Variants in STAU2 observed in about 807,000 individuals in gnomAD.
STAU2 encodes staufen double-stranded RNA binding protein 2, also known as double-stranded RNA-binding protein Staufen homolog 2.
Under a neutral mutation model 65.9 loss-of-function variants are expected in STAU2, and 20 were observed. The ratio of observed to expected loss-of-function variants is 0.30; its 90% CI spans 0.21 to 0.44. STAU2 has a LOEUF of 0.44. Ranked by LOEUF, STAU2 falls within the 20% of genes least tolerant of loss-of-function variation. The pLI is 1.00. For synonymous variants in STAU2, 232 were observed against 233.9 expected (o/e 0.99, Z 0.07); for missense variants, 558 against 683.9 (o/e 0.82, Z 2.05).
At chr8:73,731,144 C>T (rs1345450263) in intron 3 of STAU2, among the ~76,000 whole-genome samples, 2 of 152,164 alleles carry the variant, frequency 1.3e-5, no homozygotes, top group Non-Finnish European at 2.9e-5. Context: ...GTGTTTTCTT[C>T]TCTGGCCTCA....
chr8:73,709,873 C>T (rs1173189588), intron 3 of STAU2, among the ~76,000 whole-genome samples: 1 of 152,032 alleles, frequency 6.6e-6, no homozygotes, highest in African/African-American at 2.4e-5. Context: ...TCTAGACTCA[C>T]ATAAATGGTA....
At chr8:73,669,741 C>T (rs1817532444) in intron 6 of STAU2, among the ~76,000 whole-genome samples, 1 of 151,896 alleles carries the variant, frequency 6.6e-6, no homozygotes, top group African/African-American at 2.4e-5. Flanking sequence ...CAGTGACTAA[C>T]CACTTCTTAT....
At chr8:73,595,131 CAGAT>C (rs758940215) in intron 11 of STAU2, 31 bp downstream of exon 11, 11 of 1,522,462 alleles carry the variant, frequency 7.2e-6, no homozygotes, top group Admixed American at 2.2e-5. Context: ...GATATTATGA[CAGAT>C]AGGATACATA....
At chr8:73,531,656 A>G (rs561442967) in intron 13 of STAU2, among the ~76,000 whole-genome samples, 4 of 152,338 alleles carry the variant, frequency 2.6e-5, no homozygotes, top group African/African-American at 7.2e-5. Flanking sequence ...AAATATGTAA[A>G]TGACATTTTG....
At chr8:73,469,236 A>T (rs1819837483) in intron 13 of STAU2, among the ~76,000 whole-genome samples, 1 of 152,084 alleles carries the variant, frequency 6.6e-6, no homozygotes, top group Non-Finnish European at 1.5e-5. Context: ...GTTCTCACTC[A>T]TAGGTGGGAA....
At chr8:73,714,194 C>G (rs546554150) in intron 3 of STAU2, among the ~76,000 whole-genome samples, 1 of 152,192 alleles carries the variant, frequency 6.6e-6, no homozygotes, top group Non-Finnish European at 1.5e-5. Context: ...TGAGCCACCA[C>G]GCCCGGCCTT....
intron 3 of STAU2, among the ~76,000 whole-genome samples, chr8:73,715,463 AAAAG>A (rs528091228): frequency 7.3e-4 from 108 of 148,208 alleles, no homozygotes; most frequent in Middle Eastern, 3.5e-3. Context: ...AAAAAAAAAA[AAAAG>A]AAAGAAAGAA....
chr8:73,710,479 G>T (rs1820816833), intron 3 of STAU2, among the ~76,000 whole-genome samples: 1 of 150,020 alleles, frequency 6.7e-6, no homozygotes, highest in Non-Finnish European at 1.5e-5. Context: ...AGATCTCAAT[G>T]ATTTTACTTA....
At chr8:73,718,631 A>G (rs1187860833) in intron 3 of STAU2, among the ~76,000 whole-genome samples, 1 of 152,244 alleles carries the variant, frequency 6.6e-6, no homozygotes, top group Non-Finnish European at 1.5e-5. Context: ...GTTACAAATA[A>G]AAATTAGTGA....
chr8:73,609,166 G>T (rs371075521), intron 9 of STAU2, among the ~76,000 whole-genome samples: 7 of 151,884 alleles, frequency 4.6e-5, no homozygotes, highest in Non-Finnish European at 8.8e-5. Context: ...CAGAGCATAC[G>T]GTATTCAGGA....
At chr8:73,597,203 CAAT>C (rs1811246727) in intron 10 of STAU2, among the ~76,000 whole-genome samples, 1 of 151,784 alleles carries the variant, frequency 6.6e-6, no homozygotes, top group African/African-American at 2.4e-5. Context: ...ACTAATAAAA[CAAT>C]AAACCAAAAG....
At chr8:73,644,377 T>C (rs892824752) in intron 6 of STAU2, among the ~76,000 whole-genome samples, 2 of 151,780 alleles carry the variant, frequency 1.3e-5, no homozygotes, top group African/African-American at 4.8e-5. Flanking sequence ...CCCAGGAGTT[T>C]GGGGCTGCAG....
intron 13 of STAU2, among the ~76,000 whole-genome samples, chr8:73,526,276 C>A (rs1458894838): frequency 6.6e-6 from 1 of 152,160 alleles, no homozygotes; most frequent in African/African-American, 2.4e-5. Context: ...TGCAGCAAAC[C>A]TATACTATGG....
chr8:73,726,948 G>A (rs772338807), intron 3 of STAU2, among the ~76,000 whole-genome samples: 11 of 152,052 alleles, frequency 7.2e-5, no homozygotes, highest in East Asian at 3.9e-4. Context: ...GTGAACGTTC[G>A]GCTGGGCACG....
rs1337457776 is a variant in STAU2 at position 73,720,808 on chromosome 8, G to A, written c.-17-11646C>T. Among the ~76,000 whole-genome samples the A allele has an allele frequency of 6.2e-5, 5 of 80,348 alleles. 2 individuals are homozygous for A. Among genetic ancestry groups the A allele is most frequent in the East Asian group, 6.6e-4 (1 of 1,518 alleles). The allele number at this position is 80,348 out of a possible 152,430, so 52.7% of individuals were successfully genotyped here. A position where few individuals can be genotyped will look rare whatever the true frequency, so the allele number is the denominator to read the frequency against. ...ATTACAGGCGTGAGCCACCGCGCCC[G>A]GCCTAGTTTAAAATACTTTCTAATT... On this transcript the variant is annotated intron_variant, in intron 3 of 14. Transcript: ENST00000524300.
Position 73,541,434 on chromosome 8 carries a change from T to G in STAU2, c.1530+10578A>C, listed in dbSNP as rs563050517. ...GAAGATAAAGCTTGCAGTTTTAGCTTAAGCAACTTAATCAAAAACCAAAAC... is the reference window on the plus strand; with the variant it reads ...GAAGATAAAGCTTGCAGTTTTAGCTGAAGCAACTTAATCAAAAACCAAAAC... On this transcript the variant is annotated intron_variant, in intron 13 of 14. Coordinates refer to ENST00000524300, the MANE Select transcript of STAU2 (RefSeq NM_001164380.2). 1.4e-4 allele frequency among the ~76,000 whole-genome samples: 22 copies of G among 152,286 alleles called. No homozygotes were observed. In the East Asian group the frequency reaches 4.2e-3, roughly 29 times the overall value.
chr8:73,692,006 AG>A (rs543521878), intron 4 of STAU2, among the ~76,000 whole-genome samples: 128 of 152,260 alleles, frequency 8.4e-4, no homozygotes, highest in Middle Eastern at 3.4e-3. Context: ...TCCACCACGG[AG>A]GAAAGAGGGG....
At position 73,664,665 on chromosome 8, in the gene STAU2, C is replaced by T. The variant is rs370107353; in HGVS notation, c.410+8442G>A. 1.7e-4 allele frequency among the ~76,000 whole-genome samples: 26 copies of T among 152,164 alleles called. No homozygotes were observed. In the East Asian group the frequency reaches 2.1e-3, roughly 12 times the overall value. On this transcript the variant is annotated intron_variant, in intron 6 of 14. Transcript: ENST00000524300. ...ATTTAATCATAATGTTATTTAAATT[C>T]GGCTGAATTTAATTTGCTGATATTT...
rs185839749 is a variant in STAU2 at position 73,460,861 on chromosome 8, C to T, written c.1531-38159G>A. ...GGTCACATCCTTCAGATTTCTCATA[C>T]GCTTCTGAGAGCAATTCATTCCAAT... On this transcript the variant is annotated intron_variant, in intron 13 of 14. Transcript: ENST00000524300. 7.2e-5 allele frequency among the ~76,000 whole-genome samples: 11 copies of T among 152,308 alleles called. No homozygotes were observed. In the East Asian group the frequency reaches 9.6e-4, roughly 13 times the overall value.
Sources: gnomAD v4.1 joint callset for allele counts (sites outside exome capture counted in the v4.1 genomes callset) on GRCh38, gnomAD v4.1.1 for gene constraint, MANE v1.5 for transcripts, NCBI Gene and HGNC (gene_info 2026-07-23, HGNC 2026-07-21) for gene names.